Variants in ANKRD26 observed in about 807,000 individuals in gnomAD.
The protein encoded by ANKRD26 is ankyrin repeat domain-containing protein 26.
ANKRD26 carries 141 observed loss-of-function variants against 208.7 expected under a neutral mutation model. The observed-to-expected ratio is 0.68, with a 90% CI of 0.59 to 0.78. The LOEUF is 0.78. ANKRD26 is among the 30% of genes least tolerant of loss of function. The pLI is 0.00. For synonymous variants in ANKRD26, 636 were observed against 660.4 expected, an observed-to-expected ratio of 0.96 and a Z score of 0.57; for missense variants, 1,889 against 1,938.7, an observed-to-expected ratio of 0.97 and a Z score of 0.48.
intron 4 of ANKRD26, among the ~76,000 whole-genome samples, chr10:26,996,883 CTAA>C (rs1471939859): frequency 1.3e-5 from 2 of 152,136 alleles, no homozygotes; most frequent in Admixed American, 1.3e-4. Context: ...CTCTTCTCCG[CTAA>C]TGTTTCCTTT....
intron 25 of ANKRD26, among the ~76,000 whole-genome samples, chr10:27,029,946 T>C (rs954937004): frequency 1.3e-5 from 2 of 152,190 alleles, no homozygotes; most frequent in Non-Finnish European, 2.9e-5. Flanking sequence ...ACATTCAGTG[T>C]CTCAATTTCT....
intron 23 of ANKRD26, 126 bp from the exon 24 acceptor site, chr10:27,035,878 A>G (rs1383355612): frequency 6.9e-6 from 3 of 437,708 alleles, no homozygotes; most frequent in South Asian, 3.5e-5. Context: ...TATCCAATTG[A>G]AAAAAAAAAA....
At chr10:27,024,098 T>A (rs1051223186) in intron 28 of ANKRD26, among the ~76,000 whole-genome samples, 2 of 151,986 alleles carry the variant, frequency 1.3e-5, no homozygotes, top group Non-Finnish European at 2.9e-5. Flanking sequence ...ATTAAAAGAT[T>A]TGAATATCTT....
At chr10:26,963,419 G>C in the ANKRD26 span, among the ~76,000 whole-genome samples, 1 of 152,140 alleles carries the variant, frequency 6.6e-6, no homozygotes, top group Non-Finnish European at 1.5e-5. Flanking sequence ...AATCTGCTCT[G>C]GCACAGTCTT....
chr10:27,082,717 A>ACGG, intron 6 of ANKRD26, 86 bp downstream of exon 6: 6 of 1,488,310 alleles, frequency 4.0e-6, no homozygotes, highest in South Asian at 1.3e-5. Flanking sequence ...AGCACATAAT[A>ACGG]TGGTGTCTAC....
intron 3 of ANKRD26, among the ~76,000 whole-genome samples, chr10:26,986,511 A>C (rs1412763080): frequency 1.3e-5 from 2 of 152,340 alleles, no homozygotes; most frequent in East Asian, 3.9e-4. Flanking sequence ...AATGGGAGAA[A>C]ATTTTTGCAA....
At chr10:26,990,771 G>T (rs890719890), downstream of ANKRD26, among the ~76,000 whole-genome samples, 11 of 152,098 alleles carry the variant, frequency 7.2e-5, no homozygotes, top group African/African-American at 2.7e-4. Context: ...TATGATAGAA[G>T]AAAGATAAAA....
intron 5 of ANKRD26, among the ~76,000 whole-genome samples, chr10:27,083,995 A>G (rs576392564): frequency 6.6e-6 from 1 of 152,104 alleles, no homozygotes; most frequent in South Asian, 2.1e-4. Context: ...CGGGCAGAAC[A>G]TGAGGCCAGG....
At chr10:27,054,339 C>A (rs2054768574) in intron 15 of ANKRD26, among the ~76,000 whole-genome samples, 1 of 152,104 alleles carries the variant, frequency 6.6e-6, no homozygotes, top group Non-Finnish European at 1.5e-5. Context: ...AATCCCAGCA[C>A]TTTGGGAGGT....
chr10:27,094,137 C>T (rs2056391448), intron 1 of ANKRD26, among the ~76,000 whole-genome samples: 1 of 152,130 alleles, frequency 6.6e-6, no homozygotes, highest in Admixed American at 6.6e-5. Flanking sequence ...ATGTCAAGGA[C>T]ATGTTTGCTT....
At chr10:26,951,013 CTT>C in the ANKRD26 span, among the ~76,000 whole-genome samples, 10 of 100,890 alleles carry the variant, frequency 9.9e-5, no homozygotes, top group African/African-American at 5.7e-4. Context: ...CTTTTCTTTT[CTT>C]TTTCTTTTTT....
intron 29 of ANKRD26, among the ~76,000 whole-genome samples, chr10:27,020,609 ACATGATTT>A (rs1268587880): frequency 1.3e-5 from 2 of 152,156 alleles, no homozygotes; most frequent in Non-Finnish European, 2.9e-5. Flanking sequence ...AATGTTACTG[ACATGATTT>A]CATTCTTTTG....
chr10:26,969,012 T>A (rs925679220), downstream of ANKRD26, among the ~76,000 whole-genome samples: 2 of 152,146 alleles, frequency 1.3e-5, no homozygotes, highest in African/African-American at 2.4e-5. Flanking sequence ...TTCAATTGGC[T>A]CCAAGAAGTT....
At chr10:26,959,055 T>C in the ANKRD26 span, among the ~76,000 whole-genome samples, 1 of 152,110 alleles carries the variant, frequency 6.6e-6, no homozygotes, top group African/African-American at 2.4e-5. Flanking sequence ...ATCAGTGATG[T>C]TGAGCTCTTT....
chr10:27,042,162 T>C (rs919515859), intron 20 of ANKRD26, among the ~76,000 whole-genome samples: 6 of 152,118 alleles, frequency 3.9e-5, no homozygotes, highest in Non-Finnish European at 7.3e-5. Context: ...GCAGCCAACA[T>C]ATTTTTGACA....
chr10:27,050,235 A>AG (rs1342505598), intron 16 of ANKRD26, among the ~76,000 whole-genome samples: 3 of 149,356 alleles, frequency 2.0e-5, no homozygotes, highest in East Asian at 3.9e-4. Context: ...AAAAAAAAAA[A>AG]AAAAAAAAAA....
downstream of ANKRD26, among the ~76,000 whole-genome samples, chr10:26,989,100 TTC>T (rs1161216191): frequency 1.3e-5 from 2 of 152,098 alleles, no homozygotes; most frequent in African/African-American, 4.8e-5. Context: ...ATATTTTTTT[TTC>T]TGTTTATCTC....
At position 27,093,342 on chromosome 10, in the gene ANKRD26, T is replaced by C. The variant is rs752185349; in HGVS notation, c.531+7A>G. 17 of 1,612,708 alleles carry C rather than the reference T, an allele frequency of 1.1e-5. No individual in the cohort carries two copies. In the South Asian group the frequency reaches 1.9e-4, roughly 18 times the overall value. ...ATACTGTAAAAATAAAGTTGGTTGA[T>C]CTATACCTTGTTTTTTGCTTCAATA... On this transcript the variant is annotated splice_region_variant and intron_variant, in intron 3 of 33. Transcript: ENST00000376087.
chr10:26,991,553 C>T (rs2052486179), downstream of ANKRD26, among the ~76,000 whole-genome samples: 1 of 152,048 alleles, frequency 6.6e-6, no homozygotes, highest in South Asian at 2.1e-4. Context: ...AGTGATTCTC[C>T]TGCCTTAGCC....
Sources: allele counts gnomAD v4.1 joint callset (sites outside exome capture counted in the v4.1 genomes callset), GRCh38; gene constraint gnomAD v4.1.1; transcripts MANE v1.5; gene names NCBI Gene and HGNC (gene_info 2026-07-23, HGNC 2026-07-21).